The following FNIP1 variants were observed in gnomAD, a reference collection of about 807,000 sequenced individuals.
The protein encoded by FNIP1 is folliculin interacting protein 1.
A neutral mutation model predicts 124.5 loss-of-function variants in FNIP1; 40 were observed. The ratio of observed to expected loss-of-function variants is 0.32; its 90% CI spans 0.25 to 0.42. FNIP1 has a LOEUF of 0.42. FNIP1 is among the 10% of genes least tolerant of loss of function. FNIP1 has a pLI of 1.00. For missense variants in FNIP1, 1,176 were observed against 1,403.7 expected (o/e 0.84, Z 2.59); for synonymous variants, 472 against 470.6 (o/e 1.00, Z -0.04).
chr5:131,699,067 C>A, intron 10 of FNIP1, 65 bp from the exon 11 acceptor site: 2 of 1,308,248 alleles, frequency 1.5e-6, no homozygotes, highest in South Asian at 1.4e-5. Context: ...GGAAAAAAGT[C>A]TTTTTTAGAC....
In FNIP1 at chr5:131,661,408, C is replaced by T. The variant is rs190137792; in HGVS notation, c.3108+9055G>A. 2.6e-5 allele frequency among the ~76,000 whole-genome samples: 4 copies of T among 152,242 alleles called. No individual in the cohort carries two copies. In the East Asian group the frequency reaches 7.7e-4, roughly 29 times the overall value. ...TCTGCTCTTCATGTTGTCCAGACATCACCCAGTGAATTCCCAGTCAGAGGT... is the reference window on the plus strand; with the variant it reads ...TCTGCTCTTCATGTTGTCCAGACATTACCCAGTGAATTCCCAGTCAGAGGT... On this transcript the variant is annotated intron_variant, in intron 15 of 17. Coordinates refer to ENST00000510461, the MANE Select transcript of FNIP1 (RefSeq NM_133372.3).
At chr5:131,789,545 A>G (rs1772329133) in intron 1 of FNIP1, among the ~76,000 whole-genome samples, 1 of 152,152 alleles carries the variant, frequency 6.6e-6, no homozygotes, top group Non-Finnish European at 1.5e-5. Flanking sequence ...ATTTCCTCAC[A>G]TTTACTCCAC....
rs368876852 is a variant in FNIP1 at position 131,765,223 on chromosome 5, G to A, written c.93-20533C>T. Among the ~76,000 whole-genome samples the A allele has an allele frequency of 4.0e-5, 6 of 151,580 alleles. No individual in the cohort carries two copies. In the East Asian group the frequency reaches 7.8e-4, roughly 20 times the overall value. ...GATGACAGAGGGAGACCTTGTCTGCGGGGGAAAAAAAAAAGCATCATGAAA... is the reference window on the plus strand; with the variant it reads ...GATGACAGAGGGAGACCTTGTCTGCAGGGGAAAAAAAAAAGCATCATGAAA... On this transcript the variant is annotated intron_variant, in intron 1 of 17. Transcript: ENST00000510461.
intron 6 of FNIP1, among the ~76,000 whole-genome samples, chr5:131,715,623 T>C (rs1246485233): frequency 6.6e-6 from 1 of 152,170 alleles, no homozygotes; most frequent in Non-Finnish European, 1.5e-5. Flanking sequence ...TTAAAATCAA[T>C]GAAGTAATCA....
At chr5:131,694,370 T>C (rs1018840170) in intron 11 of FNIP1, among the ~76,000 whole-genome samples, 2 of 152,162 alleles carry the variant, frequency 1.3e-5, no homozygotes, top group African/African-American at 4.8e-5. Flanking sequence ...TACATCTATA[T>C]AATGGAATAT....
intron 11 of FNIP1, among the ~76,000 whole-genome samples, chr5:131,696,336 C>T (rs1470219150): frequency 6.6e-6 from 1 of 152,078 alleles, no homozygotes; most frequent in African/African-American, 2.4e-5. Context: ...TCATGAATGG[C>T]ACCCAAAATG....
In FNIP1 at chr5:131,703,872, GATGA is replaced by G. The variant is rs529351264; in HGVS notation, c.1116+189_1116+192del. Among the ~76,000 whole-genome samples the G allele has an allele frequency of 7.9e-5, 12 of 152,240 alleles. No individual in the cohort carries two copies. In the South Asian group the frequency reaches 2.5e-3, roughly 32 times the overall value. On this transcript the variant is annotated intron_variant, in intron 10 of 17. Coordinates refer to ENST00000510461, the MANE Select transcript of FNIP1 (RefSeq NM_133372.3). ...CAAATATTTATTTACAGAACAAATG[GATGA>G]ATGATCTTATATCTTTTACTAGACA...
At chr5:131,747,078 T>C (rs1770708780) in intron 1 of FNIP1, among the ~76,000 whole-genome samples, 1 of 152,230 alleles carries the variant, frequency 6.6e-6, no homozygotes, top group Non-Finnish European at 1.5e-5. Context: ...TGTCTTCTTT[T>C]GAGAACTGTC....
At chr5:131,713,560 A>AT (rs1172519197) in intron 6 of FNIP1, among the ~76,000 whole-genome samples, 5 of 148,536 alleles carry the variant, frequency 3.4e-5, no homozygotes, top group African/African-American at 4.8e-5. Context: ...GTTAAAGAGA[A>AT]TACCCTACAA....
chr5:131,696,909 TTC>T (rs1437707287), intron 11 of FNIP1, among the ~76,000 whole-genome samples: 2 of 152,150 alleles, frequency 1.3e-5, no homozygotes, highest in Non-Finnish European at 2.9e-5. Context: ...GTAGACATTA[TTC>T]TCTTTCTCAA....
At chr5:131,684,848 T>C (rs1221770629) in intron 11 of FNIP1, among the ~76,000 whole-genome samples, 1 of 152,176 alleles carries the variant, frequency 6.6e-6, no homozygotes, top group African/African-American at 2.4e-5. Context: ...CAGAAAAGAA[T>C]TTGTCAATCC....
rs1766744506 is a variant in FNIP1, at chr5:131,642,489, T to C, written c.*2196A>G. ...GAGGACTAGAATTTCTAAACGGTAA[T>C]TAAACATTTTAAATAAAGAACAGTT... On this transcript the variant is annotated 3_prime_UTR_variant, in exon 18 of 18. Transcript: ENST00000510461. 1.3e-5 allele frequency: 2 copies of C among 151,812 alleles called. No individual in the cohort carries two copies. Among genetic ancestry groups the C allele is most frequent in the African/African-American group, 4.8e-5 (2 of 41,252 alleles). 9.4% of individuals were successfully genotyped at this position (151,812 alleles called of 1,614,324 possible).
intron 12 of FNIP1, 89 bp from the exon 13 acceptor site, chr5:131,677,961 A>T: frequency 7.3e-7 from 1 of 1,375,184 alleles, no homozygotes. Context: ...AGGGGAGTAT[A>T]TATGTTCATG....
At position 131,651,084 on chromosome 5, in the gene FNIP1, A is replaced by T. The variant is rs1358461190; in HGVS notation, c.3306+718T>A. 3.4e-5 allele frequency among the ~76,000 whole-genome samples: 5 copies of T among 149,180 alleles called. No homozygotes were observed. The East Asian group carries it at 9.7e-4, about 29-fold the overall frequency. ...TAACAAAGTATCATAGACTGGATGG[A>T]TTAAAAAAAAAAAACAGATATATAG... On this transcript the variant is annotated intron_variant, in intron 16 of 17. Transcript: ENST00000510461.
chr5:131,697,261 C>T lies in FNIP1; in HGVS notation c.1202+1656G>A, dbSNP rs187704201. Among the ~76,000 whole-genome samples the T allele has an allele frequency of 4.8e-3, 723 of 152,144 alleles. 5 individuals carry two copies. Among genetic ancestry groups the T allele is most frequent in the African/African-American group, 0.017 (687 of 41,524 alleles). On this transcript the variant is annotated intron_variant, in intron 11 of 17. Transcript: ENST00000510461. ...TAATAATAAAATTTACACAGTGGTA[C>T]GTAGTGTACACAATGTGGTATACAA... is the stretch of plus-strand genomic sequence containing the variant.
At chr5:131,704,383 T>C (rs1769007218) in intron 9 of FNIP1, 117 bp from the exon 10 acceptor site, 2 of 750,558 alleles carry the variant, frequency 2.7e-6, no homozygotes, top group Non-Finnish European at 4.2e-6. Context: ...CAAACAAACC[T>C]ATAATTTCAT....
chr5:131,742,552 T>C (rs1770547507), intron 2 of FNIP1, among the ~76,000 whole-genome samples: 1 of 152,240 alleles, frequency 6.6e-6, no homozygotes, highest in South Asian at 2.1e-4. Context: ...ATAGTCCTTA[T>C]TCTCTCTTGT....
intron 1 of FNIP1, 31 bp from the exon 2 acceptor site, chr5:131,744,721 C>G: frequency 6.4e-7 from 1 of 1,573,962 alleles, no homozygotes; most frequent in Non-Finnish European, 8.6e-7. Flanking sequence ...AAGTAAAGAT[C>G]CATTAGAGTT....
At chr5:131,752,611 T>C (rs978345045) in intron 1 of FNIP1, among the ~76,000 whole-genome samples, 1 of 148,210 alleles carries the variant, frequency 6.7e-6, no homozygotes, top group Non-Finnish European at 1.5e-5. Flanking sequence ...TAAAAACTTA[T>C]AAACAGCCAA....
Sources: allele counts gnomAD v4.1 joint callset (sites outside exome capture counted in the v4.1 genomes callset), GRCh38; gene constraint gnomAD v4.1.1; transcripts MANE v1.5; gene names NCBI Gene and HGNC (gene_info 2026-07-23, HGNC 2026-07-21).